DENND5A: variants seen among roughly 807,000 people sequenced by gnomAD.
DENND5A encodes the protein DENN domain-containing protein 5A.
A neutral mutation model predicts 140.3 loss-of-function variants in DENND5A; 64 were observed. The observed-to-expected ratio is 0.46, with a 90% CI of 0.37 to 0.56. The LOEUF (loss-of-function observed/expected upper bound fraction) is 0.56. DENND5A is among the 20% of genes least tolerant of loss of function. DENND5A has a pLI of 0.00. For synonymous variants in DENND5A, 605 were observed against 607.7 expected, an observed-to-expected ratio of 1.00 and a Z score of 0.07; for missense variants, 1,292 against 1,593.8, an observed-to-expected ratio of 0.81 and a Z score of 3.22.
At chr11:9,169,721 C>CT (rs1271296041) in intron 10 of DENND5A, 135 bp downstream of exon 10, 1 of 605,774 alleles carries the variant, frequency 1.7e-6, no homozygotes, top group African/African-American at 1.9e-5. Context: ...GGAACTAGAC[C>CT]TATTATTAAC....
At chr11:9,188,743 C>T (rs1849008500) in intron 5 of DENND5A, among the ~76,000 whole-genome samples, 1 of 152,142 alleles carries the variant, frequency 6.6e-6, no homozygotes, top group Non-Finnish European at 1.5e-5. Flanking sequence ...TCTAGGGTAT[C>T]TGGCAGAAGA....
intron 1 of DENND5A, among the ~76,000 whole-genome samples, chr11:9,221,466 C>T (rs978779213): frequency 6.6e-6 from 1 of 152,002 alleles, no homozygotes; most frequent in Non-Finnish European, 1.5e-5. Context: ...AAAAAAAACA[C>T]TGAATAGGTC....
At chr11:9,237,672 G>A (rs770414627) in intron 1 of DENND5A, among the ~76,000 whole-genome samples, 12 of 152,152 alleles carry the variant, frequency 7.9e-5, no homozygotes, top group Non-Finnish European at 1.5e-4. Flanking sequence ...GATCACCTGA[G>A]ATCAGGAGTT....
At chr11:9,255,179 T>C (rs1348520453) in intron 1 of DENND5A, among the ~76,000 whole-genome samples, 2 of 152,132 alleles carry the variant, frequency 1.3e-5, no homozygotes, top group Non-Finnish European at 1.5e-5. Flanking sequence ...AAGATGGCTA[T>C]AAACCAATAG....
chr11:9,159,519 T>C (rs931427760), intron 12 of DENND5A, among the ~76,000 whole-genome samples: 3 of 152,124 alleles, frequency 2.0e-5, no homozygotes, highest in Admixed American at 1.3e-4. Context: ...GGTTTCACCA[T>C]GTTGATCAAG....
Position 9,180,879 on chromosome 11 carries a change from C to T in DENND5A, c.1343G>A (p.Arg448Lys). The change falls in exon 6 of 23, where the codon AGG becomes AAG. Residue 448 changes from arginine to lysine, a missense_variant. By Grantham distance (26) the Arg-to-Lys change is conservative. Coordinates refer to ENST00000328194, the MANE Select transcript of DENND5A (RefSeq NM_015213.4). ...LRASELVSDK[R>K]NGNIAGSPLH... Reference sequence around the variant, plus strand: ...AGGGGAGCCAGCAATGTTCCCATTCCTCTTGTCCGAGACAAGCTCAGAGGC... The same window carrying T: ...AGGGGAGCCAGCAATGTTCCCATTCTTCTTGTCCGAGACAAGCTCAGAGGC... 10 of 1,614,200 alleles carry T rather than the reference C, an allele frequency of 6.2e-6. No individual in the cohort carries two copies. Among genetic ancestry groups the T allele is most frequent in the Non-Finnish European group, 7.6e-6 (9 of 1,180,040 alleles).
intron 1 of DENND5A, among the ~76,000 whole-genome samples, chr11:9,239,522 A>C (rs1446068369): frequency 2.6e-5 from 4 of 151,724 alleles, no homozygotes; most frequent in Non-Finnish European, 5.9e-5. Context: ...TGTAGAGACA[A>C]GGTCTTGCTA....
intron 3 of DENND5A, among the ~76,000 whole-genome samples, chr11:9,204,643 G>A (rs778586151): frequency 6.6e-6 from 1 of 152,124 alleles, no homozygotes; most frequent in Non-Finnish European, 1.5e-5. Flanking sequence ...CAGGTGGATC[G>A]CTTGAGGCCA....
At chr11:9,166,104 G>C (rs1222479122) in intron 10 of DENND5A, 137 bp from the exon 11 acceptor site, 3 of 717,116 alleles carry the variant, frequency 4.2e-6, no homozygotes, top group Non-Finnish European at 6.4e-6. Context: ...TTTTTGAGAC[G>C]AATCTTGCTC....
At chr11:9,162,507 G>T (rs1241942208) in intron 11 of DENND5A, among the ~76,000 whole-genome samples, 1 of 151,934 alleles carries the variant, frequency 6.6e-6, no homozygotes, top group Non-Finnish European at 1.5e-5. Flanking sequence ...CCAAAGTGCT[G>T]GGATTACAGG....
intron 12 of DENND5A, among the ~76,000 whole-genome samples, chr11:9,159,366 G>A (rs1026242112): frequency 1.3e-5 from 2 of 149,860 alleles, no homozygotes; most frequent in African/African-American, 4.9e-5. Flanking sequence ...TGTTGCCTAG[G>A]CTGGAGTGCA....
At chr11:9,224,085 T>C (rs1211131057) in intron 1 of DENND5A, among the ~76,000 whole-genome samples, 3 of 152,018 alleles carry the variant, frequency 2.0e-5, no homozygotes, top group Non-Finnish European at 4.4e-5. Context: ...TCCCAACTAC[T>C]AGGGAGGCTG....
At chr11:9,177,955 G>A in intron 8 of DENND5A, 177 bp downstream of exon 8, 1 of 629,196 alleles carries the variant, frequency 1.6e-6, no homozygotes, top group South Asian at 1.9e-5. Context: ...AACTAACAGT[G>A]TTAAAGGATG....
At chr11:9,193,212 G>T (rs1039215295) in intron 5 of DENND5A, among the ~76,000 whole-genome samples, 4 of 152,222 alleles carry the variant, frequency 2.6e-5, no homozygotes, top group Non-Finnish European at 5.9e-5. Context: ...GGGTAACACA[G>T]CAAGACCTTG....
At chr11:9,222,593 G>A (rs1850356271) in intron 1 of DENND5A, among the ~76,000 whole-genome samples, 1 of 152,134 alleles carries the variant, frequency 6.6e-6, no homozygotes, top group Non-Finnish European at 1.5e-5. Flanking sequence ...GGAACTTCAG[G>A]TCTGACATAA....
chr11:9,258,904 G>C (rs1852069089), intron 1 of DENND5A, among the ~76,000 whole-genome samples: 1 of 152,262 alleles, frequency 6.6e-6, no homozygotes. Context: ...GATTTGACTA[G>C]TCCTCTAGCT....
chr11:9,254,154 C>A (rs1352831465), intron 1 of DENND5A, among the ~76,000 whole-genome samples: 23 of 103,776 alleles, frequency 2.2e-4, no homozygotes, highest in Non-Finnish European at 4.1e-4. Context: ...GAAACTCTGT[C>A]TCAGAAAAAA....
rs1046934135 is a variant in DENND5A at position 9,247,631 on chromosome 11, AG to A, written c.109+17329del. 2.0e-5 allele frequency among the ~76,000 whole-genome samples: 3 copies of A among 152,082 alleles called. 1 individual carries two copies. Among genetic ancestry groups the A allele is most frequent in the South Asian group, 4.1e-4 (2 of 4,824 alleles). The stretch of plus-strand genomic sequence containing the variant: ...GAATCAATATGAACGACCATGGCCC[AG>A]GGAACAGTCTCAACACGTTCTTGTG... On this transcript the variant is annotated intron_variant, in intron 1 of 22. Coordinates refer to ENST00000328194, the MANE Select transcript of DENND5A (RefSeq NM_015213.4).
At chr11:9,173,998 G>T (rs987333817) in intron 8 of DENND5A, among the ~76,000 whole-genome samples, 2 of 150,998 alleles carry the variant, frequency 1.3e-5, no homozygotes, top group Admixed American at 1.3e-4. Context: ...AGCTACTCGG[G>T]AGGCTGAGGC....
Sources: gnomAD v4.1 joint callset for allele counts (sites outside exome capture counted in the v4.1 genomes callset) on GRCh38, gnomAD v4.1.1 for gene constraint, MANE v1.5 for transcripts, NCBI Gene and HGNC (gene_info 2026-07-23, HGNC 2026-07-21) for gene names.